TBC1D1: variants seen among roughly 807,000 people sequenced by gnomAD.
TBC1D1 encodes TBC1 (tre-2/USP6, BUB2, cdc16) domain family, member 1.
A neutral mutation model predicts 125.6 loss-of-function variants in TBC1D1; 89 were observed. The observed-to-expected ratio is 0.71, with a 90% CI of 0.60 to 0.85. The LOEUF is 0.85. Ranked by LOEUF, TBC1D1 falls within the 40% of genes least tolerant of loss-of-function variation. The pLI, the probability that TBC1D1 is intolerant of heterozygous loss-of-function variation, is 0.00. For missense variants in TBC1D1, 1,377 were observed against 1,469.2 expected (o/e 0.94, Z 1.03); for synonymous variants, 565 against 564.1 (o/e 1.00, Z -0.02).
intron 2 of TBC1D1, among the ~76,000 whole-genome samples, chr4:37,912,314 A>G (rs760127246): frequency 5.3e-5 from 8 of 152,210 alleles, no homozygotes; most frequent in African/African-American, 9.7e-5. Flanking sequence ...TCCCAGGCCA[A>G]TGGGTTGGGT....
rs1560647640 is a variant in TBC1D1, at chr4:38,028,106, TAAAAAAACAAAC to T, written c.1302+231_1302+242del. Among the ~76,000 whole-genome samples the T allele has an allele frequency of 4.7e-5, 7 of 148,240 alleles. No individual in the cohort carries two copies. In the Middle Eastern group the frequency reaches 0.01, roughly 222 times the overall value. Reference sequence around the variant, plus strand: ...AAAGACACGATAGCTGATGAGCTGCTAAAAAAACAAACAAACAAACAAACAAAAAAAACAGCA... The same window carrying T: ...AAAGACACGATAGCTGATGAGCTGCTAAACAAACAAACAAAAAAAACAGCA... On this transcript the variant is annotated intron_variant, in intron 7 of 19. Transcript: ENST00000261439.
At chr4:38,084,136 G>C (rs1274626164) in intron 12 of TBC1D1, among the ~76,000 whole-genome samples, 1 of 152,150 alleles carries the variant, frequency 6.6e-6, no homozygotes, top group South Asian at 2.1e-4. Flanking sequence ...GGGTTTCACC[G>C]TGTTAGCCAG....
In TBC1D1 at chr4:37,960,612, A is replaced by G. The variant is rs373322013; in HGVS notation, c.418-53897A>G. The G allele has an allele frequency of 1.3e-5, 21 of 1,614,090 alleles. No individual in the cohort carries two copies. The highest frequency in any genetic ancestry group is 1.7e-5 in the Non-Finnish European group (20 of 1,180,054). On this transcript the variant is annotated intron_variant, in intron 2 of 19. Transcript: ENST00000261439. The stretch of plus-strand genomic sequence containing the variant: ...TGCTCCATCAGCCTTACCTAAAGCT[A>G]CCAGAAAGGCTTTGGGCACTGTCAA...
intron 12 of TBC1D1, among the ~76,000 whole-genome samples, chr4:38,056,441 T>G (rs1156869448): frequency 6.6e-6 from 1 of 152,236 alleles, no homozygotes; most frequent in Non-Finnish European, 1.5e-5. Flanking sequence ...GTTTCTGCTT[T>G]AAGTGATTAA....
intron 15 of TBC1D1, among the ~76,000 whole-genome samples, chr4:38,111,313 C>T (rs1310499552): frequency 6.6e-6 from 1 of 152,216 alleles, no homozygotes; most frequent in Non-Finnish European, 1.5e-5. Context: ...CATTCCCAAA[C>T]TTTGATGGAA....
At chr4:38,110,508 A>T in intron 15 of TBC1D1, 3 of 985,418 alleles carry the variant, frequency 3.0e-6, no homozygotes, top group Non-Finnish European at 2.4e-6. Flanking sequence ...CATGAAGAGG[A>T]ATTACTAGGT....
rs116482071 is a variant in TBC1D1 at position 38,027,642 on chromosome 4, A to T, written c.1211-146A>T. The T allele has an allele frequency of 4.1e-3, 2,054 of 504,552 alleles. 32 individuals are homozygous for T. Among genetic ancestry groups the T allele is most frequent in the African/African-American group, 0.034 (1,696 of 50,388 alleles). 31.3% of individuals were successfully genotyped at this position (504,552 alleles called of 1,614,324 possible). ...CAGAGTGGGATTCCATGTCAAAAAAAAAAATAAAATATTTTTTTATTTCCT... is the reference window on the plus strand; with the variant it reads ...CAGAGTGGGATTCCATGTCAAAAAATAAAATAAAATATTTTTTTATTTCCT... On this transcript the variant is annotated intron_variant, in intron 6 of 19. Coordinates refer to ENST00000261439, the MANE Select transcript of TBC1D1 (RefSeq NM_015173.4).
intron 19 of TBC1D1, among the ~76,000 whole-genome samples, chr4:38,133,567 A>G (rs1475706989): frequency 2.6e-5 from 4 of 152,236 alleles, no homozygotes; most frequent in Non-Finnish European, 4.4e-5. Context: ...GCTGAATGCC[A>G]GCCGTTGTCA....
At chr4:37,969,690 C>T (rs1312515571) in intron 2 of TBC1D1, among the ~76,000 whole-genome samples, 1 of 152,214 alleles carries the variant, frequency 6.6e-6, no homozygotes, top group Non-Finnish European at 1.5e-5. Flanking sequence ...TACAAAGGCC[C>T]AGTGACTTAA....
intron 15 of TBC1D1, among the ~76,000 whole-genome samples, chr4:38,107,400 G>T (rs1340202100): frequency 6.6e-6 from 1 of 152,244 alleles, no homozygotes; most frequent in African/African-American, 2.4e-5. Context: ...TCAAGGCCCA[G>T]TGAAGGTGTG....
intron 2 of TBC1D1, among the ~76,000 whole-genome samples, chr4:37,906,161 CG>C (rs1717283020): frequency 6.6e-6 from 1 of 152,048 alleles, no homozygotes; most frequent in Non-Finnish European, 1.5e-5. Flanking sequence ...TTTTCCCCCC[CG>C]CTTGAGACAC....
chr4:38,120,217 C>A (rs1239359459), intron 17 of TBC1D1: 4 of 690,462 alleles, frequency 5.8e-6, no homozygotes, highest in Non-Finnish European at 7.1e-6. Context: ...CCACAGACTC[C>A]TGCTGTGCTA....
chr4:38,062,751 C>T (rs1560718169), intron 12 of TBC1D1, among the ~76,000 whole-genome samples: 1 of 152,156 alleles, frequency 6.6e-6, no homozygotes, highest in Non-Finnish European at 1.5e-5. Flanking sequence ...TGAGTTAACA[C>T]TGACTGAGCT....
At chr4:37,958,615 G>T (rs1729355876) in intron 2 of TBC1D1, among the ~76,000 whole-genome samples, 2 of 152,048 alleles carry the variant, frequency 1.3e-5, no homozygotes, top group Admixed American at 1.3e-4. Context: ...CACACCTCTA[G>T]ACCTCCTTTA....
chr4:37,949,672 T>C (rs1727433355), intron 2 of TBC1D1, among the ~76,000 whole-genome samples: 2 of 152,200 alleles, frequency 1.3e-5, no homozygotes, highest in African/African-American at 4.8e-5. Flanking sequence ...TTCCAGACGT[T>C]CTACATGAGA....
At chr4:38,027,635 CA>C (rs542422806) in intron 6 of TBC1D1, among the ~76,000 whole-genome samples, 152 bp from the exon 7 acceptor site, 48 of 140,460 alleles carry the variant, frequency 3.4e-4, no homozygotes, top group African/African-American at 5.0e-4. Flanking sequence ...GATTCCATGT[CA>C]AAAAAAAAAA....
chr4:38,023,031 A>T (rs1428346289), intron 6 of TBC1D1, among the ~76,000 whole-genome samples: 1 of 152,160 alleles, frequency 6.6e-6, no homozygotes, highest in Non-Finnish European at 1.5e-5. Flanking sequence ...AGCCTGGGCA[A>T]CATGGTGAAA....
At chr4:37,916,525 T>G (rs1057021654) in intron 2 of TBC1D1, among the ~76,000 whole-genome samples, 2 of 152,102 alleles carry the variant, frequency 1.3e-5, no homozygotes, top group African/African-American at 4.8e-5. Context: ...TATTTAGCTT[T>G]CATAAACCAT....
At chr4:37,990,853 C>G (rs926096303) in intron 2 of TBC1D1, among the ~76,000 whole-genome samples, 4 of 152,110 alleles carry the variant, frequency 2.6e-5, no homozygotes, top group African/African-American at 9.7e-5. Flanking sequence ...ATGTACTAGA[C>G]CACCAGACCA....
Sources: allele counts gnomAD v4.1 joint callset (sites outside exome capture counted in the v4.1 genomes callset), GRCh38; gene constraint gnomAD v4.1.1; transcripts MANE v1.5; gene names NCBI Gene and HGNC (gene_info 2026-07-23, HGNC 2026-07-21).